The following NRG3 variants were observed in gnomAD, a reference collection of about 807,000 sequenced individuals.
NRG3 encodes the protein neuregulin 3, also known as pro-neuregulin-3, membrane-bound isoform.
NRG3 carries 31 observed loss-of-function variants against 66.9 expected under a neutral mutation model. The ratio of observed to expected loss-of-function variants is 0.46; its 90% CI spans 0.35 to 0.63. NRG3 has a LOEUF of 0.63. Among genes scored for constraint, NRG3 ranks in the 20% least tolerant of loss-of-function variants. The pLI, the probability that NRG3 is intolerant of heterozygous loss-of-function variation, is 0.00. For synonymous variants in NRG3, 393 were observed against 359.4 expected, an observed-to-expected ratio of 1.09 and a Z score of -1.06; for missense variants, 910 against 878.9, an observed-to-expected ratio of 1.04 and a Z score of -0.45.
chr10:82,436,672 A>G (rs1393799653), intron 2 of NRG3, among the ~76,000 whole-genome samples: 1 of 152,120 alleles, frequency 6.6e-6, no homozygotes, highest in Admixed American at 6.6e-5. Flanking sequence ...AGTGGCTGGT[A>G]CCAGTTTTTC....
chr10:82,199,877 TGTGTGTGTGTGC>T (rs2074685966), intron 1 of NRG3, among the ~76,000 whole-genome samples: 4 of 107,878 alleles, frequency 3.7e-5, no homozygotes, highest in South Asian at 3.4e-4. Context: ...AGTGTGCATG[TGTGTGTGTGTGC>T]GTGTGTGTGT....
intron 1 of NRG3, among the ~76,000 whole-genome samples, chr10:82,351,761 C>T (rs1457105926): frequency 6.6e-6 from 1 of 152,156 alleles, no homozygotes; most frequent in Non-Finnish European, 1.5e-5. Flanking sequence ...GTCAACCAAC[C>T]TACTTCATGA....
chr10:82,809,015 C>T (rs1392606235), intron 3 of NRG3, among the ~76,000 whole-genome samples: 2 of 152,104 alleles, frequency 1.3e-5, no homozygotes, highest in Non-Finnish European at 2.9e-5. Context: ...ATGAGGAATG[C>T]TGGCATATGC....
chr10:82,778,424 G>A (rs1345593406), intron 3 of NRG3, among the ~76,000 whole-genome samples: 1 of 152,176 alleles, frequency 6.6e-6, no homozygotes, highest in Non-Finnish European at 1.5e-5. Context: ...AGGCAGAGGA[G>A]AAGCAGACAC....
At chr10:82,051,103 A>G (rs12761252) in intron 1 of NRG3, among the ~76,000 whole-genome samples, 36,452 of 152,006 alleles carry the variant, frequency 0.24, 4,492 homozygotes, top group Middle Eastern at 0.33. Context: ...ATTTTCATCC[A>G]GCCTTAGGTA....
At chr10:82,233,139 C>T (rs1247101498) in intron 1 of NRG3, among the ~76,000 whole-genome samples, 2 of 152,202 alleles carry the variant, frequency 1.3e-5, no homozygotes, top group African/African-American at 4.8e-5. Context: ...CCGAGGCAGG[C>T]GGATCACGAG....
At chr10:81,927,146 G>T (rs909664520) in intron 1 of NRG3, among the ~76,000 whole-genome samples, 1 of 152,124 alleles carries the variant, frequency 6.6e-6, no homozygotes, top group Non-Finnish European at 1.5e-5. Flanking sequence ...AGTATAAGAT[G>T]AATATGATCA....
At chr10:82,237,176 A>G (rs989370489) in intron 1 of NRG3, among the ~76,000 whole-genome samples, 18 of 152,174 alleles carry the variant, frequency 1.2e-4, no homozygotes, top group Non-Finnish European at 2.4e-4. Flanking sequence ...GAGTTTGTTC[A>G]CAGTATACCA....
intron 1 of NRG3, among the ~76,000 whole-genome samples, chr10:81,959,556 C>G (rs1850157225): frequency 6.6e-6 from 1 of 152,002 alleles, no homozygotes; most frequent in Admixed American, 6.6e-5. Flanking sequence ...CTCACTTCTC[C>G]TTTGGATTTG....
Position 82,647,831 on chromosome 10 carries a change from G to A in NRG3, c.954-90746G>A, listed in dbSNP as rs554030960. ...TGAGAAGTGTCTGTTCATGTCCTTC[G>A]CCCACTTTTTGATGGGGTTGTTTGT... On this transcript the variant is annotated intron_variant, in intron 2 of 8. Transcript: ENST00000372141. Among the ~76,000 whole-genome samples the A allele has an allele frequency of 3.2e-4, 49 of 151,030 alleles. 1 individual carries two copies. In the East Asian group the frequency reaches 4.9e-3, roughly 15 times the overall value.
At chr10:82,973,694 G>A in intron 6 of NRG3, 94 bp from the exon 7 acceptor site, 1 of 1,387,160 alleles carries the variant, frequency 7.2e-7, no homozygotes, top group Non-Finnish European at 1.0e-6. Context: ...AGGAGGAACT[G>A]GCATTCCAGT....
intron 1 of NRG3, among the ~76,000 whole-genome samples, chr10:82,168,971 T>C (rs760066085): frequency 6.6e-6 from 1 of 152,278 alleles, no homozygotes; most frequent in Middle Eastern, 3.4e-3. Context: ...TTGTTGATTC[T>C]TATACCCTTT....
At chr10:82,679,152 T>C (rs184888837) in intron 2 of NRG3, among the ~76,000 whole-genome samples, 30 of 152,312 alleles carry the variant, frequency 2.0e-4, no homozygotes, top group Admixed American at 2.0e-3. Flanking sequence ...TGCTGTCTTG[T>C]ACATAGTAGA....
intron 2 of NRG3, among the ~76,000 whole-genome samples, chr10:82,617,149 C>A (rs1428106725): frequency 6.6e-6 from 1 of 151,448 alleles, no homozygotes; most frequent in African/African-American, 2.4e-5. Flanking sequence ...ACACACACAC[C>A]ACTCACACAC....
intron 1 of NRG3, among the ~76,000 whole-genome samples, chr10:82,326,903 C>T (rs2081901141): frequency 1.3e-5 from 2 of 151,992 alleles, no homozygotes; most frequent in South Asian, 4.1e-4. Flanking sequence ...TACAAATTAG[C>T]TATGTCAAAA....
chr10:82,725,694 C>T (rs2057559142), intron 2 of NRG3, among the ~76,000 whole-genome samples: 1 of 152,080 alleles, frequency 6.6e-6, no homozygotes, highest in African/African-American at 2.4e-5. Flanking sequence ...ACAATGAATG[C>T]ATTTTTAGTA....
At chr10:82,854,478 T>G (rs1434108392) in intron 3 of NRG3, among the ~76,000 whole-genome samples, 1 of 152,204 alleles carries the variant, frequency 6.6e-6, no homozygotes, top group Non-Finnish European at 1.5e-5. Flanking sequence ...TGTTTAATCT[T>G]TCAGTGATTT....
intron 1 of NRG3, among the ~76,000 whole-genome samples, chr10:81,995,054 T>A (rs367702438): frequency 6.6e-6 from 1 of 152,290 alleles, no homozygotes; most frequent in East Asian, 1.9e-4. Flanking sequence ...ACTCACAACA[T>A]TTTGTCTTGA....
chr10:82,945,241 T>C (rs1211861464), intron 4 of NRG3, among the ~76,000 whole-genome samples: 2 of 152,116 alleles, frequency 1.3e-5, no homozygotes, highest in Non-Finnish European at 2.9e-5. Flanking sequence ...AGCACACAAA[T>C]CCAACACAGA....
Sources: gnomAD v4.1 joint callset for allele counts (sites outside exome capture counted in the v4.1 genomes callset) on GRCh38, gnomAD v4.1.1 for gene constraint, MANE v1.5 for transcripts, NCBI Gene and HGNC (gene_info 2026-07-23, HGNC 2026-07-21) for gene names.